The following KCNIP1 variants were observed in gnomAD, a reference collection of about 807,000 sequenced individuals.
KCNIP1 encodes A-type potassium channel modulatory protein KCNIP1.
In KCNIP1, 18 loss-of-function variants were observed where a neutral mutation model predicts 33.0. That is an observed-to-expected ratio of 0.55 (90% confidence interval 0.38 to 0.81). KCNIP1 has a LOEUF of 0.81. Among genes scored for constraint, KCNIP1 ranks in the 30% least tolerant of loss-of-function variants. The pLI, the probability that KCNIP1 is intolerant of heterozygous loss-of-function variation, is 0.00. For missense variants in KCNIP1, 238 were observed against 271.6 expected, an observed-to-expected ratio of 0.88 and a Z score of 0.87; for synonymous variants, 93 against 98.3, an observed-to-expected ratio of 0.95 and a Z score of 0.32.
intron 1 of KCNIP1, among the ~76,000 whole-genome samples, chr5:170,654,030 C>T (rs914742704): frequency 2.6e-5 from 4 of 152,190 alleles, no homozygotes; most frequent in Non-Finnish European, 5.9e-5. Flanking sequence ...CCATCCTTTT[C>T]GCTTTCCAAC....
At chr5:170,480,783 G>A (rs983838346) in intron 1 of KCNIP1, among the ~76,000 whole-genome samples, 34 of 151,962 alleles carry the variant, frequency 2.2e-4, no homozygotes, top group African/African-American at 7.3e-4. Context: ...CTGTCCTTAC[G>A]AGCACATTTG....
intron 1 of KCNIP1, among the ~76,000 whole-genome samples, chr5:170,609,139 G>A (rs1241208298): frequency 2.0e-5 from 3 of 152,162 alleles, no homozygotes; most frequent in East Asian, 3.9e-4. Context: ...GACTGGAAAC[G>A]AGAAAACTGT....
At chr5:170,484,461 GGAAGCT>G in intron 1 of KCNIP1, among the ~76,000 whole-genome samples, 2 of 152,116 alleles carry the variant, frequency 1.3e-5, no homozygotes, top group Admixed American at 1.3e-4. Context: ...CGCACGTTGG[GGAAGCT>G]GGAAAGAGCC....
intron 1 of KCNIP1, among the ~76,000 whole-genome samples, chr5:170,663,360 A>G (rs934291402): frequency 6.6e-6 from 1 of 152,102 alleles, no homozygotes; most frequent in African/African-American, 2.4e-5. Flanking sequence ...CACCGTGCTG[A>G]AGCTGGTGCA....
intron 1 of KCNIP1, among the ~76,000 whole-genome samples, chr5:170,399,947 GC>G (rs752018889): frequency 2.0e-4 from 30 of 152,152 alleles, no homozygotes; most frequent in Non-Finnish European, 3.1e-4. Flanking sequence ...GCCATTAAAA[GC>G]CTCTGCCTCT....
intron 1 of KCNIP1, among the ~76,000 whole-genome samples, chr5:170,658,523 C>CTA (rs1479781683): frequency 6.6e-6 from 1 of 152,194 alleles, no homozygotes; most frequent in Non-Finnish European, 1.5e-5. Flanking sequence ...AGTATTCAAA[C>CTA]TATAGCTCAC....
rs1746737928 is a variant in KCNIP1, at chr5:170,356,134, A to G, written c.88+2170A>G. Among the ~76,000 whole-genome samples, 4 of 152,220 alleles carry G rather than the reference A, an allele frequency of 2.6e-5. No homozygotes were observed. In the South Asian group the frequency reaches 8.3e-4, roughly 32 times the overall value. On this transcript the variant is annotated intron_variant, in intron 1 of 7. Coordinates refer to the KCNIP1 transcript ENST00000377360. ...CAGAAAACGGCTTTCTAATGTTTACACCTCCCCTAGGTGGATTTAGATTCA... is the reference window on the plus strand; with the variant it reads ...CAGAAAACGGCTTTCTAATGTTTACGCCTCCCCTAGGTGGATTTAGATTCA...
chr5:170,458,194 G>T (rs537042203), intron 1 of KCNIP1, among the ~76,000 whole-genome samples: 15 of 152,150 alleles, frequency 9.9e-5, no homozygotes, highest in Non-Finnish European at 1.5e-4. Flanking sequence ...ATAAGTCTGG[G>T]ATTATATTAA....
chr5:170,731,872 CA>C (rs1157286321), intron 5 of KCNIP1, among the ~76,000 whole-genome samples: 3 of 16,914 alleles, frequency 1.8e-4, no homozygotes, highest in Non-Finnish European at 2.3e-4. Context: ...GACTCCGTCT[CA>C]AAAAAAAAAA....
At chr5:170,591,620 A>C (rs751228902) in intron 1 of KCNIP1, among the ~76,000 whole-genome samples, 6 of 152,150 alleles carry the variant, frequency 3.9e-5, no homozygotes, top group South Asian at 2.1e-4. Context: ...CTCTTCCCCC[A>C]GCTCCTAGCA....
chr5:170,475,875 AC>A (rs963601145), intron 1 of KCNIP1, among the ~76,000 whole-genome samples: 1 of 151,844 alleles, frequency 6.6e-6, no homozygotes, highest in African/African-American at 2.4e-5. Context: ...ATCCAATATT[AC>A]CCCCTTGTCA....
chr5:170,649,142 C>T (rs907414315), intron 1 of KCNIP1, among the ~76,000 whole-genome samples: 15 of 152,046 alleles, frequency 9.9e-5, no homozygotes, highest in Non-Finnish European at 1.9e-4. Context: ...CCTAATAATG[C>T]CACTATTAAG....
At chr5:170,666,904 T>A (rs1277165800) in intron 1 of KCNIP1, among the ~76,000 whole-genome samples, 1 of 152,270 alleles carries the variant, frequency 6.6e-6, no homozygotes, top group Non-Finnish European at 1.5e-5. Flanking sequence ...TACATCACTG[T>A]TCTGTGACTT....
In KCNIP1 at chr5:170,691,837, T is replaced by C. The variant is rs185245133; in HGVS notation, c.62-26921T>C. ...GGCACCAGTATGCAGGGCAAGGTCC[T>C]GGAGGGGGCGCCGAAACACCACTCG... is the stretch of plus-strand genomic sequence containing the variant. On this transcript the variant is annotated intron_variant, in intron 1 of 7. Coordinates refer to ENST00000328939, the MANE Select transcript of KCNIP1 (RefSeq NM_014592.4). 3.4e-3 allele frequency among the ~76,000 whole-genome samples: 523 copies of C among 151,846 alleles called. 2 individuals are homozygous for C. Among genetic ancestry groups the C allele is most frequent in the Non-Finnish European group, 5.9e-3 (402 of 67,928 alleles).
intron 1 of KCNIP1, among the ~76,000 whole-genome samples, chr5:170,627,292 A>G (rs1035117265): frequency 1.3e-5 from 2 of 152,162 alleles, no homozygotes; most frequent in African/African-American, 4.8e-5. Context: ...TAAATAATGT[A>G]CCTGGTAACT....
intron 1 of KCNIP1, among the ~76,000 whole-genome samples, chr5:170,685,516 T>C (rs1762509654): frequency 6.6e-6 from 1 of 151,434 alleles, no homozygotes; most frequent in Non-Finnish European, 1.5e-5. Flanking sequence ...TGAGACCGAG[T>C]CTCACTCTGT....
chr5:170,689,330 AT>A (rs1762642437), intron 1 of KCNIP1, among the ~76,000 whole-genome samples: 1 of 152,216 alleles, frequency 6.6e-6, no homozygotes, highest in African/African-American at 2.4e-5. Context: ...TTGGAATACA[AT>A]ATGGAGTAAT....
chr5:170,398,693 C>T (rs1668095886), intron 1 of KCNIP1, among the ~76,000 whole-genome samples: 1 of 152,212 alleles, frequency 6.6e-6, no homozygotes, highest in African/African-American at 2.4e-5. Flanking sequence ...TTCAGAGGCC[C>T]AATCTTCATC....
chr5:170,406,460 A>G (rs1242436132), intron 1 of KCNIP1, among the ~76,000 whole-genome samples: 1 of 152,228 alleles, frequency 6.6e-6, no homozygotes, highest in African/African-American at 2.4e-5. Context: ...TCTAAAATGG[A>G]CATAATAACC....
Sources: allele counts gnomAD v4.1 joint callset (sites outside exome capture counted in the v4.1 genomes callset), GRCh38; gene constraint gnomAD v4.1.1; transcripts MANE v1.5; gene names NCBI Gene and HGNC (gene_info 2026-07-23, HGNC 2026-07-21).